Variants in TSPEAR observed in about 807,000 individuals in gnomAD.
TSPEAR encodes thrombospondin-type laminin G domain and EAR repeat-containing protein.
In TSPEAR, 69 loss-of-function variants were observed where a neutral mutation model predicts 71.6. The ratio of observed to expected loss-of-function variants is 0.96; its 90% CI spans 0.79 to 1.18. The LOEUF (loss-of-function observed/expected upper bound fraction) is 1.18. TSPEAR is among the 50% of genes most tolerant of loss of function. The pLI is 0.00. For missense variants in TSPEAR, 971 were observed against 894.9 expected, an observed-to-expected ratio of 1.09 and a Z score of -1.09; for synonymous variants, 402 against 387.2, an observed-to-expected ratio of 1.04 and a Z score of -0.45.
chr21:44,619,707 T>A (rs1555933195), intron 1 of TSPEAR, among the ~76,000 whole-genome samples: 2 of 152,236 alleles, frequency 1.3e-5, no homozygotes, highest in Non-Finnish European at 1.5e-5. Context: ...AATTGGAAAG[T>A]ACAGTCACTG....
intron 1 of TSPEAR, among the ~76,000 whole-genome samples, chr21:44,709,917 T>G (rs928640500): frequency 6.6e-6 from 1 of 152,240 alleles, no homozygotes; most frequent in Admixed American, 6.5e-5. Flanking sequence ...TCCTCCCTGG[T>G]TCGTGGTATT....
chr21:44,507,882 C>T (rs1601324330), intron 10 of TSPEAR, among the ~76,000 whole-genome samples: 1 of 152,254 alleles, frequency 6.6e-6, no homozygotes, highest in Non-Finnish European at 1.5e-5. Flanking sequence ...CACGCAGGGG[C>T]CACGGAGCCC....
At chr21:44,634,515 C>T (rs981449957) in intron 1 of TSPEAR, among the ~76,000 whole-genome samples, 2 of 152,054 alleles carry the variant, frequency 1.3e-5, no homozygotes, top group Non-Finnish European at 2.9e-5. Context: ...AAGTTTTGTG[C>T]ATCAAAGGAC....
At chr21:44,513,664 G>A (rs587616947) in intron 9 of TSPEAR, among the ~76,000 whole-genome samples, 2 of 152,318 alleles carry the variant, frequency 1.3e-5, no homozygotes, top group South Asian at 2.1e-4. Flanking sequence ...GAGGGCGGGT[G>A]GGCACCCGGT....
chr21:44,631,183 A>G (rs996103211), intron 1 of TSPEAR, among the ~76,000 whole-genome samples: 2 of 152,200 alleles, frequency 1.3e-5, no homozygotes, highest in Non-Finnish European at 2.9e-5. Flanking sequence ...TCAAAGAGCT[A>G]AAGGAAACCA....
At chr21:44,677,466 A>G (rs988544580) in intron 1 of TSPEAR, 3 of 841,712 alleles carry the variant, frequency 3.6e-6, no homozygotes, top group Admixed American at 3.8e-5. Flanking sequence ...GCTCTTGGCT[A>G]GAGACTCAGT....
At chr21:44,515,318 T>C (rs1555913243) in intron 9 of TSPEAR, among the ~76,000 whole-genome samples, 2 of 152,182 alleles carry the variant, frequency 1.3e-5, no homozygotes, top group Non-Finnish European at 2.9e-5. Flanking sequence ...GTGTGCGTGG[T>C]CCCAGCGCCT....
At chr21:44,602,071 C>CGAGCCCT in intron 1 of TSPEAR, 1 of 421,090 alleles carries the variant, frequency 2.4e-6, no homozygotes, top group South Asian at 3.6e-5. Context: ...AGCTCAGTGG[C>CGAGCCCT]GAGCCCTGCT....
rs587689269 is a variant in TSPEAR at position 44,578,900 on chromosome 21, C to T, written c.83-10895G>A. Reference sequence around the variant, plus strand: ...GGACTCTGGGTCCTGAAAGCCCATGCGGAACCTGGTGCCCCCAGAGGAGGG... The same window carrying T: ...GGACTCTGGGTCCTGAAAGCCCATGTGGAACCTGGTGCCCCCAGAGGAGGG... On this transcript the variant is annotated intron_variant, in intron 1 of 11. Coordinates refer to ENST00000323084, the MANE Select transcript of TSPEAR (RefSeq NM_144991.3). 8.5e-5 allele frequency among the ~76,000 whole-genome samples: 13 copies of T among 152,272 alleles called. No homozygotes were observed. The South Asian group carries it at 1.0e-3, about 12-fold the overall frequency.
In TSPEAR at chr21:44,582,672, T is replaced by C. The variant is rs587672504; in HGVS notation, c.83-14667A>G. ...GCCCACAACAGCTCCAGGGTCTCAG[T>C]GTGCCTGATCTAAGTCCACGCCCTG... On this transcript the variant is annotated intron_variant, in intron 1 of 11. Transcript: ENST00000323084. Among the ~76,000 whole-genome samples the C allele has an allele frequency of 2.6e-5, 4 of 152,330 alleles. No homozygotes were observed. The East Asian group carries it at 7.7e-4, about 29-fold the overall frequency.
intron 1 of TSPEAR, among the ~76,000 whole-genome samples, chr21:44,614,957 C>G (rs1236831469): frequency 1.3e-5 from 2 of 152,184 alleles, no homozygotes; most frequent in African/African-American, 4.8e-5. Context: ...CCGACAGGAA[C>G]CCCAGGCACC....
Position 44,499,547 on chromosome 21 carries a change from C to T in TSPEAR, c.*236G>A. The T allele has an allele frequency of 2.0e-6, 1 of 510,374 alleles. No individual in the cohort carries two copies. Among genetic ancestry groups the T allele is most frequent in the Non-Finnish European group, 3.4e-6 (1 of 292,040 alleles). 31.6% of individuals were successfully genotyped at this position (510,374 alleles called of 1,614,324 possible). On this transcript the variant is annotated 3_prime_UTR_variant, in exon 12 of 12. Coordinates refer to ENST00000323084, the MANE Select transcript of TSPEAR (RefSeq NM_144991.3). ...AGATGGGCGAGCACTGGCAGGGGCT[C>T]TGGGCCTCTGCCTGCAAGACCAGAC...
chr21:44,581,700 G>A (rs1978984615), intron 1 of TSPEAR, among the ~76,000 whole-genome samples: 1 of 152,006 alleles, frequency 6.6e-6, no homozygotes, highest in African/African-American at 2.4e-5. Flanking sequence ...CATCTCTCAA[G>A]GTCTTTCCTT....
intron 2 of TSPEAR, among the ~76,000 whole-genome samples, chr21:44,545,456 C>A (rs2053289502): frequency 6.6e-6 from 1 of 152,094 alleles, no homozygotes; most frequent in Non-Finnish European, 1.5e-5. Flanking sequence ...GAGTAGACAA[C>A]AACACACTCT....
intron 1 of TSPEAR, among the ~76,000 whole-genome samples, chr21:44,594,896 C>T (rs1253654824): frequency 1.4e-5 from 2 of 147,586 alleles, no homozygotes; most frequent in African/African-American, 5.0e-5. Context: ...GATCTCAGCT[C>T]ACCGCAGCCT....
intron 4 of TSPEAR, 118 bp from the exon 5 acceptor site, chr21:44,530,072 A>T: frequency 9.3e-7 from 1 of 1,079,244 alleles, no homozygotes; most frequent in Non-Finnish European, 1.3e-6. Context: ...GATGGAATCT[A>T]AGCTTTTGCA....
chr21:44,555,844 G>A (rs2053519179), intron 2 of TSPEAR, among the ~76,000 whole-genome samples: 1 of 152,144 alleles, frequency 6.6e-6, no homozygotes, highest in South Asian at 2.1e-4. Flanking sequence ...GCTTGCAAAG[G>A]AAAATGACAG....
At chr21:44,681,287 A>G (rs1986572372) in intron 1 of TSPEAR, among the ~76,000 whole-genome samples, 2 of 152,224 alleles carry the variant, frequency 1.3e-5, no homozygotes, top group African/African-American at 4.8e-5. Flanking sequence ...GGCTTTGGCC[A>G]TCAATGCAGG....
intron 1 of TSPEAR, among the ~76,000 whole-genome samples, chr21:44,663,398 C>A (rs1475300904): frequency 6.6e-6 from 1 of 151,978 alleles, no homozygotes; most frequent in East Asian, 1.9e-4. Flanking sequence ...AGTATGAAAG[C>A]TTATTCCAGA....
Sources: allele counts gnomAD v4.1 joint callset (sites outside exome capture counted in the v4.1 genomes callset), GRCh38; gene constraint gnomAD v4.1.1; transcripts MANE v1.5; gene names NCBI Gene and HGNC (gene_info 2026-07-23, HGNC 2026-07-21).